RICTOR: variants seen among roughly 807,000 people sequenced by gnomAD.
RICTOR encodes RPTOR independent companion of MTOR complex 2.
A neutral mutation model predicts 214.9 loss-of-function variants in RICTOR; 49 were observed. The observed-to-expected ratio is 0.23, with a 90% CI of 0.18 to 0.29. RICTOR has a LOEUF of 0.29. Among genes scored for constraint, RICTOR ranks in the 10% least tolerant of loss-of-function variants. The pLI is 1.00. For synonymous variants in RICTOR, 717 were observed against 711.3 expected, an observed-to-expected ratio of 1.01 and a Z score of -0.13; for missense variants, 1,625 against 2,047.0, an observed-to-expected ratio of 0.79 and a Z score of 3.98.
Position 38,957,636 on chromosome 5 carries a change from T to C in RICTOR, c.2499+16A>G. 2.2e-6 allele frequency: 3 copies of C among 1,354,792 alleles called. No individual in the cohort carries two copies. The highest frequency in any genetic ancestry group is 3.1e-6 in the Non-Finnish European group (3 of 961,012). The allele number at this position is 1,354,792 out of a possible 1,614,324, so 83.9% of individuals were successfully genotyped here. On this transcript the variant is annotated intron_variant, in intron 25 of 37. Transcript: ENST00000357387. Reference sequence around the variant, plus strand: ...TAAAAACACACAAATTCAACTTTATTCAAATAAGAAGTTACCCTGTGCCAC... The same window carrying C: ...TAAAAACACACAAATTCAACTTTATCCAAATAAGAAGTTACCCTGTGCCAC...
chr5:39,036,816 G>C (rs1441522056), intron 2 of RICTOR, among the ~76,000 whole-genome samples: 1 of 152,122 alleles, frequency 6.6e-6, no homozygotes, highest in Non-Finnish European at 1.5e-5. Flanking sequence ...GATTCATAAA[G>C]CAAGTCCTTG....
intron 5 of RICTOR, among the ~76,000 whole-genome samples, chr5:38,997,487 A>C (rs1203659210): frequency 2.0e-5 from 3 of 152,150 alleles, no homozygotes; most frequent in Admixed American, 2.0e-4. Context: ...TATTCTAATC[A>C]ATGCTTTATA....
chr5:39,059,223 T>C (rs1441188325), intron 2 of RICTOR, among the ~76,000 whole-genome samples: 1 of 152,104 alleles, frequency 6.6e-6, no homozygotes, highest in Non-Finnish European at 1.5e-5. Flanking sequence ...CTCTTGTTTA[T>C]CACCATGGAT....
chr5:38,970,316 T>C (rs1303866471), intron 11 of RICTOR: 3 of 152,182 alleles, frequency 2.0e-5, no homozygotes, highest in East Asian at 1.9e-4. Context: ...ACTACATACA[T>C]CACTTAATCT....
intron 2 of RICTOR, among the ~76,000 whole-genome samples, chr5:39,062,384 C>A (rs1758604427): frequency 6.6e-6 from 1 of 152,090 alleles, no homozygotes; most frequent in Non-Finnish European, 1.5e-5. Flanking sequence ...TCTCTCCCTG[C>A]AACTCCATTC....
intron 34 of RICTOR, 99 bp downstream of exon 34, chr5:38,945,392 G>A (rs973075697): frequency 1.3e-6 from 1 of 775,724 alleles, no homozygotes; most frequent in African/African-American, 1.8e-5. Context: ...CACCAGCTGG[G>A]AAACTCTGAA....
intron 3 of RICTOR, among the ~76,000 whole-genome samples, chr5:39,007,574 G>C (rs534967301): frequency 1.1e-4 from 17 of 152,138 alleles, no homozygotes; most frequent in Admixed American, 9.8e-4. Flanking sequence ...AATGTAAAAG[G>C]TTGAAACAAA....
chr5:38,945,783 T>C, intron 33 of RICTOR, 59 bp from the exon 34 acceptor site: 1 of 846,150 alleles, frequency 1.2e-6, no homozygotes, highest in Non-Finnish European at 1.8e-6. Flanking sequence ...CAAGGTACCT[T>C]AAATTATGTG....
At chr5:38,995,850 A>G (rs1401458737) in intron 6 of RICTOR, among the ~76,000 whole-genome samples, 1 of 152,208 alleles carries the variant, frequency 6.6e-6, no homozygotes, top group African/African-American at 2.4e-5. Flanking sequence ...CAGTTCGCCT[A>G]TAACAAGAGT....
chr5:38,978,785 A>T (rs1388643253), intron 8 of RICTOR, 135 bp from the exon 9 acceptor site: 4 of 493,192 alleles, frequency 8.1e-6, no homozygotes, highest in Non-Finnish European at 1.1e-5. Context: ...CTTCTAACTC[A>T]TCATCAGGGA....
chr5:38,957,373 A>G (rs1224207959), intron 25 of RICTOR, among the ~76,000 whole-genome samples: 1 of 152,178 alleles, frequency 6.6e-6, no homozygotes, highest in South Asian at 2.1e-4. Context: ...AACAGGGCCA[A>G]AAATTAGATT....
chr5:39,060,677 C>T (rs1384593555), intron 2 of RICTOR, among the ~76,000 whole-genome samples: 2 of 151,990 alleles, frequency 1.3e-5, no homozygotes, highest in Non-Finnish European at 2.9e-5. Context: ...GCTCTAGAAA[C>T]AACTGTATAG....
At chr5:39,000,731 A>C (rs1052392481) in intron 5 of RICTOR, among the ~76,000 whole-genome samples, 4 of 152,006 alleles carry the variant, frequency 2.6e-5, no homozygotes, top group African/African-American at 9.7e-5. Context: ...AATCCAAAGT[A>C]ATCTACAAAC....
At chr5:38,948,208 T>C (rs1329415185) in intron 31 of RICTOR, among the ~76,000 whole-genome samples, 1 of 152,184 alleles carries the variant, frequency 6.6e-6, no homozygotes, top group African/African-American at 2.4e-5. Context: ...TATACATTTA[T>C]ATGAAGATAT....
intron 3 of RICTOR, among the ~76,000 whole-genome samples, chr5:39,020,007 G>T (rs900620810): frequency 2.6e-5 from 4 of 152,204 alleles, no homozygotes; most frequent in Non-Finnish European, 5.9e-5. Context: ...GGTGTCAGTG[G>T]AGGGAGTCAT....
chr5:38,966,179 T>C (rs532491474), intron 15 of RICTOR, among the ~76,000 whole-genome samples: 1 of 152,302 alleles, frequency 6.6e-6, no homozygotes, highest in African/African-American at 2.4e-5. Context: ...GAAAAGACTA[T>C]AATGTTCAAC....
chr5:38,950,781 T>C (rs1748707699), intron 30 of RICTOR, 61 bp from the exon 31 acceptor site: 4 of 1,395,802 alleles, frequency 2.9e-6, no homozygotes, highest in Non-Finnish European at 1.9e-6. Flanking sequence ...TGATAACTAT[T>C]AGTGACATCA....
At chr5:39,005,500 A>T (rs1017896270) in intron 3 of RICTOR, among the ~76,000 whole-genome samples, 2 of 152,156 alleles carry the variant, frequency 1.3e-5, no homozygotes, top group African/African-American at 4.8e-5. Flanking sequence ...TAATCCTTTT[A>T]GCCATTCCAA....
chr5:39,044,138 A>G (rs574192951), intron 2 of RICTOR, among the ~76,000 whole-genome samples: 1 of 152,316 alleles, frequency 6.6e-6, no homozygotes, highest in Non-Finnish European at 1.5e-5. Context: ...AATTAAAACC[A>G]AAATATTTAA....
Sources: gnomAD v4.1 joint callset for allele counts (sites outside exome capture counted in the v4.1 genomes callset) on GRCh38, gnomAD v4.1.1 for gene constraint, MANE v1.5 for transcripts, NCBI Gene and HGNC (gene_info 2026-07-23, HGNC 2026-07-21) for gene names.